SOX6: variants seen among roughly 807,000 people sequenced by gnomAD.
SOX6 encodes the protein SRY-box transcription factor 6, also known as transcription factor SOX-6.
In SOX6, 11 loss-of-function variants were observed where a neutral mutation model predicts 97.8. That is an observed-to-expected ratio of 0.11 (90% CI 0.07 to 0.19). The LOEUF (loss-of-function observed/expected upper bound fraction) is 0.19, where lower values mean the gene tolerates loss of function less well. Among genes scored for constraint, SOX6 ranks in the 10% least tolerant of loss-of-function variants. The probability of loss-of-function intolerance (pLI) is 1.00; values close to 1 mark genes in which losing one functional copy is unlikely to be tolerated. For synonymous variants in SOX6, 360 were observed against 371.4 expected, an observed-to-expected ratio of 0.97 and a Z score of 0.35; for missense variants, 810 against 1,039.5, an observed-to-expected ratio of 0.78 and a Z score of 3.04.
chr11:16,468,133 A>G (rs758577656), intron 1 of SOX6, among the ~76,000 whole-genome samples: 4 of 152,218 alleles, frequency 2.6e-5, no homozygotes, highest in Non-Finnish European at 4.4e-5. Flanking sequence ...AGTTAAAAAG[A>G]AGTTTTCTCC....
chr11:16,152,985 G>GC (rs1166939853), intron 6 of SOX6, among the ~76,000 whole-genome samples: 3 of 152,226 alleles, frequency 2.0e-5, no homozygotes, highest in South Asian at 4.1e-4. Flanking sequence ...TCCTGCCTCA[G>GC]CCTCCCCAGT....
intron 13 of SOX6, among the ~76,000 whole-genome samples, chr11:16,005,068 AT>A (rs1331241425): frequency 6.6e-6 from 1 of 152,018 alleles, no homozygotes; most frequent in Non-Finnish European, 1.5e-5. Context: ...TAGAATGCTT[AT>A]TCCAGTACCA....
intron 3 of SOX6, chr11:16,313,461 G>C (rs1254665087): frequency 6.6e-6 from 1 of 152,022 alleles, no homozygotes; most frequent in Non-Finnish European, 1.5e-5. Context: ...GGGAGAGGTG[G>C]GTAATGCATT....
intron 4 of SOX6, among the ~76,000 whole-genome samples, chr11:16,536,664 C>T (rs548797017): frequency 3.9e-5 from 6 of 152,334 alleles, no homozygotes; most frequent in East Asian, 1.9e-4. Flanking sequence ...ATGTGTGGCT[C>T]GGCGGGTCCC....
chr11:16,707,212 G>A (rs1042325032), intron 3 of SOX6, among the ~76,000 whole-genome samples: 2 of 151,922 alleles, frequency 1.3e-5, no homozygotes, highest in Admixed American at 6.6e-5. Context: ...AAATTAGTCA[G>A]TTTTTCCATT....
In SOX6 at chr11:16,689,929, CT is replaced by C. The variant is rs773781348; in HGVS notation, n.429+24900del. Among the ~76,000 whole-genome samples, 604 of 135,986 alleles carry C rather than the reference CT, an allele frequency of 4.4e-3. 4 individuals carry two copies. The East Asian group carries it at 0.045, about 10-fold the overall frequency. The allele number at this position is 135,986 out of a possible 152,430, so 89.2% of individuals were successfully genotyped here. A position where few individuals can be genotyped will look rare whatever the true frequency, so the allele number is the denominator to read the frequency against. On this transcript the variant is annotated intron_variant and non_coding_transcript_variant, in intron 3 of 5. Coordinates refer to the SOX6 transcript ENST00000524520. ...ATCAATTTTTGTAAATGTCCCATGGCTTTTTTTTTTTTTTTGAAAGAGTCTC... is the reference window on the plus strand; with the variant it reads ...ATCAATTTTTGTAAATGTCCCATGGCTTTTTTTTTTTTTTGAAAGAGTCTC...
chr11:16,064,788 T>C (rs965593187), intron 9 of SOX6, among the ~76,000 whole-genome samples: 9 of 151,808 alleles, frequency 5.9e-5, no homozygotes, highest in Admixed American at 5.9e-4. Context: ...CAACTGATGC[T>C]GAAAAAGCAT....
chr11:16,638,151 C>T (rs1256994067), intron 3 of SOX6, among the ~76,000 whole-genome samples: 2 of 148,808 alleles, frequency 1.3e-5, no homozygotes, highest in Non-Finnish European at 3.0e-5. Flanking sequence ...TGAGAACATG[C>T]GGTGTTTGGT....
At chr11:16,627,743 G>A (rs1848642990) in intron 3 of SOX6, among the ~76,000 whole-genome samples, 1 of 152,070 alleles carries the variant, frequency 6.6e-6, no homozygotes, top group South Asian at 2.1e-4. Context: ...CCCATTCTGT[G>A]GGCTGTCTGT....
At chr11:16,439,287 CA>C (rs1321420916) in intron 1 of SOX6, among the ~76,000 whole-genome samples, 1 of 152,112 alleles carries the variant, frequency 6.6e-6, no homozygotes, top group Non-Finnish European at 1.5e-5. Context: ...ACAGTCACTC[CA>C]AATACAATTC....
chr11:15,989,765 G>C (rs2119819836), intron 13 of SOX6, among the ~76,000 whole-genome samples: 1 of 152,186 alleles, frequency 6.6e-6, no homozygotes, highest in South Asian at 2.1e-4. Context: ...AATATTTATT[G>C]AGCAATTACT....
At chr11:16,246,197 T>G (rs1853330578) in intron 3 of SOX6, among the ~76,000 whole-genome samples, 1 of 151,528 alleles carries the variant, frequency 6.6e-6, no homozygotes, top group African/African-American at 2.4e-5. Flanking sequence ...TATTTTGTAT[T>G]ATTGCTGTCA....
intron 4 of SOX6, among the ~76,000 whole-genome samples, chr11:16,570,227 T>A (rs1847923119): frequency 6.6e-6 from 1 of 152,204 alleles, no homozygotes; most frequent in Non-Finnish European, 1.5e-5. Flanking sequence ...TCCTAACAAC[T>A]ATTAAATTCA....
At chr11:16,499,672 C>T (rs1860668151) in intron 4 of SOX6, among the ~76,000 whole-genome samples, 2 of 152,212 alleles carry the variant, frequency 1.3e-5, no homozygotes, top group Non-Finnish European at 1.5e-5. Flanking sequence ...TCAGAGAATA[C>T]TATCAACACC....
At chr11:16,516,137 G>A (rs1472041925) in intron 4 of SOX6, among the ~76,000 whole-genome samples, 2 of 149,226 alleles carry the variant, frequency 1.3e-5, no homozygotes, top group Non-Finnish European at 3.0e-5. Flanking sequence ...ATTACCTTGG[G>A]CAGTATGGCC....
intron 4 of SOX6, among the ~76,000 whole-genome samples, chr11:16,492,293 ATT>A: frequency 6.6e-6 from 1 of 152,158 alleles, no homozygotes; most frequent in South Asian, 2.1e-4. Context: ...ACCAGTTCTG[ATT>A]TTAGCCAGAG....
At chr11:16,393,301 G>A (rs563252704) in intron 1 of SOX6, among the ~76,000 whole-genome samples, 1 of 151,842 alleles carries the variant, frequency 6.6e-6, no homozygotes, top group African/African-American at 2.4e-5. Flanking sequence ...CCTGCAACTA[G>A]GCTATTTGTT....
intron 2 of SOX6, among the ~76,000 whole-genome samples, chr11:16,734,026 CAAAAAAAAAAA>C (rs912566097): frequency 3.1e-5 from 2 of 64,926 alleles, no homozygotes; most frequent in Admixed American, 1.7e-4. Flanking sequence ...GACTTTGTCT[CAAAAAAAAAAA>C]AAAAAAAAGA....
Position 16,218,258 on chromosome 11 carries a change from T to C in SOX6, c.535+16324A>G, listed in dbSNP as rs190238163. ...TAATGTGAAACATACTACCACTTTATTGCTAGATTAAAATGTTAGACTAGA... is the reference window on the plus strand; with the variant it reads ...TAATGTGAAACATACTACCACTTTACTGCTAGATTAAAATGTTAGACTAGA... On this transcript the variant is annotated intron_variant, in intron 4 of 15. Coordinates refer to ENST00000683767, the MANE Select transcript of SOX6 (RefSeq NM_001367873.1). Among the ~76,000 whole-genome samples the C allele has an allele frequency of 9.2e-5, 14 of 152,228 alleles. No individual in the cohort carries two copies. The South Asian group carries it at 1.5e-3, about 16-fold the overall frequency.
Sources: gnomAD v4.1 joint callset for allele counts (sites outside exome capture counted in the v4.1 genomes callset) on GRCh38, gnomAD v4.1.1 for gene constraint, MANE v1.5 for transcripts, NCBI Gene and HGNC (gene_info 2026-07-23, HGNC 2026-07-21) for gene names.